Variants in TUBGCP2 observed in about 807,000 individuals in gnomAD.
TUBGCP2 encodes the protein gamma-tubulin complex component 2.
In TUBGCP2, 55 loss-of-function variants were observed where a neutral mutation model predicts 92.2. That is an observed-to-expected ratio of 0.60 (90% confidence interval 0.48 to 0.75). TUBGCP2 has a LOEUF of 0.75. Ranked by LOEUF, TUBGCP2 falls within the 30% of genes least tolerant of loss-of-function variation. TUBGCP2 has a pLI of 0.00. For synonymous variants in TUBGCP2, 533 were observed against 505.2 expected, an observed-to-expected ratio of 1.06 and a Z score of -0.74; for missense variants, 1,093 against 1,188.9, an observed-to-expected ratio of 0.92 and a Z score of 1.19.
Position 133,285,439 on chromosome 10 carries a change from G to C in TUBGCP2, c.1895+17C>G. The C allele has an allele frequency of 6.2e-7, 1 of 1,613,128 alleles. No homozygotes were observed. Among genetic ancestry groups the C allele is most frequent in the Non-Finnish European group, 8.5e-7 (1 of 1,179,892 alleles). On this transcript the variant is annotated intron_variant, in intron 12 of 17. Coordinates refer to ENST00000252936, the MANE Select transcript of TUBGCP2 (RefSeq NM_006659.4). The surrounding 1 kb of genome is among the most constrained non-coding windows in gnomAD (Gnocchi z 6.8). The stretch of plus-strand genomic sequence containing the variant: ...CTGAGTGAAGATCTGGCAGGTGCCC[G>C]AGCAGCCGACCCGCACCTGTTGATG...
chr10:133,293,467 T>C, intron 6 of TUBGCP2, 95 bp downstream of exon 6: 1 of 1,421,262 alleles, frequency 7.0e-7, no homozygotes, highest in Non-Finnish European at 9.6e-7. Flanking sequence ...GCGCTCTCTT[T>C]AGAAGCGATG....
At chr10:133,289,460 T>C (rs1206092385) in intron 9 of TUBGCP2, among the ~76,000 whole-genome samples, 3 of 152,086 alleles carry the variant, frequency 2.0e-5, no homozygotes, top group Admixed American at 1.3e-4. Context: ...TGGTCAGAGA[T>C]AGGAAACACT....
chr10:133,295,016 C>T (rs1230092107), intron 5 of TUBGCP2, among the ~76,000 whole-genome samples: 2 of 152,182 alleles, frequency 1.3e-5, no homozygotes, highest in East Asian at 1.9e-4. Flanking sequence ...ACTTACTTTC[C>T]ACCATGTTGG....
chr10:133,281,400 A>ACAC lies in TUBGCP2; in HGVS notation c.2443_2445dup (p.Val815dup), dbSNP rs766427635. The ACAC allele has an allele frequency of 5.7e-5, 92 of 1,613,502 alleles. No individual in the cohort carries two copies. Among genetic ancestry groups the ACAC allele is most frequent in the Admixed American group, 1.0e-4 (6 of 60,002 alleles). ...TTGTTGATGGTGGCCTCGAAGCCGG[A>ACAC]CACCAGCTGCACAGTGTCTGCGTGC... On this transcript the variant is annotated inframe_insertion, in exon 17 of 18. Coordinates refer to ENST00000252936, the MANE Select transcript of TUBGCP2 (RefSeq NM_006659.4).
chr10:133,290,914 T>C (rs982700701), intron 8 of TUBGCP2: 1 of 153,694 alleles, frequency 6.5e-6, no homozygotes, highest in Non-Finnish European at 1.4e-5. Flanking sequence ...TAATGTATTT[T>C]TTGAAAATAT....
chr10:133,302,561 G>A, intron 2 of TUBGCP2: 1 of 530,920 alleles, frequency 1.9e-6, no homozygotes, highest in Non-Finnish European at 3.4e-6. Context: ...TGGACTGAGG[G>A]GTGGGTTCAC....
chr10:133,291,258 CTCCGTGTCCCCCATGTCCCT>C (rs1318699345), intron 8 of TUBGCP2, among the ~76,000 whole-genome samples: 1 of 73,932 alleles, frequency 1.4e-5, no homozygotes, highest in Non-Finnish European at 2.2e-5. Context: ...CCCCATGTCC[CTCCGTGTCCCCCATGTCCCT>C]CCGTGTCCCT....
chr10:133,298,208 AT>A, intron 4 of TUBGCP2, 97 bp from the exon 5 acceptor site: 1 of 1,329,734 alleles, frequency 7.5e-7, no homozygotes, highest in Non-Finnish European at 1.0e-6. Context: ...TACGGCAAAG[AT>A]GATTACTCAA....
chr10:133,289,968 C>G lies in TUBGCP2; in HGVS notation c.1216G>C (p.Glu406Gln). The G allele has an allele frequency of 6.2e-7, 1 of 1,613,024 alleles. No individual in the cohort carries two copies. The highest frequency in any genetic ancestry group is 8.5e-7 in the Non-Finnish European group (1 of 1,179,080). Residue 406 changes from glutamate to glutamine, a missense_variant and splice_region_variant, in exon 9 of 18, where the codon GAG (glutamate) becomes CAG (glutamine). Physicochemically the swap from Glu to Gln is conservative, Grantham distance 29. Coordinates refer to ENST00000252936, the MANE Select transcript of TUBGCP2 (RefSeq NM_006659.4). Reference protein sequence around the residue: ...YRGIIHDPYSEFMVEEHELRK... With the variant: ...YRGIIHDPYSQFMVEEHELRK... ...AGCTCGTGCTCCTCGACCATAAACT[C>G]ACTAAAACCACAGGGAGCGCTTCGG... is the stretch of plus-strand genomic sequence containing the variant.
chr10:133,310,376 A>G, upstream of TUBGCP2: 1 of 1,542,194 alleles, frequency 6.5e-7, no homozygotes, highest in African/African-American at 1.4e-5. Context: ...GGTCAGACTT[A>G]TTAAGCACTT....
At chr10:133,280,780 G>C (rs1223028429) in intron 17 of TUBGCP2, among the ~76,000 whole-genome samples, 2 of 152,002 alleles carry the variant, frequency 1.3e-5, no homozygotes, top group African/African-American at 2.4e-5. Flanking sequence ...GAGCTGGGGT[G>C]GCGCTGGGCT....
At chr10:133,283,356 A>C (rs1435275813) in intron 14 of TUBGCP2, 135 bp from the exon 15 acceptor site, 2 of 1,284,620 alleles carry the variant, frequency 1.6e-6, no homozygotes, top group African/African-American at 3.1e-5. Context: ...TTGGGCTTTT[A>C]GGGGAAAACT....
At position 133,292,756 on chromosome 10, in the gene TUBGCP2, C is replaced by T. The variant is rs1847389427; in HGVS notation, c.1025-68G>A. On this transcript the variant is annotated intron_variant, in intron 7 of 17. Coordinates refer to ENST00000252936, the MANE Select transcript of TUBGCP2 (RefSeq NM_006659.4). ...CGCCCAGCCTCTGCCAACAACACTG[C>T]TGGGGCCCCTCATGCTTCTCCAACC... 2.0e-6 allele frequency: 3 copies of T among 1,526,810 alleles called. No homozygotes were observed. In the East Asian group the frequency reaches 7.2e-5, roughly 37 times the overall value. 94.6% of individuals were successfully genotyped at this position (1,526,810 alleles called of 1,614,324 possible).
Position 133,292,642 on chromosome 10 carries a change from G to T in TUBGCP2, c.1071C>A (p.Ser357Arg). ...KGECLGGSTL[S>R]LLHDRSFSYT... ...AGCTGAAGCTCCTGTCGTGGAGCAG[G>T]CTCAGCGTGGACCCCCCAAGACATT... is the stretch of plus-strand genomic sequence containing the variant. Residue 357 changes from serine to arginine, a missense_variant, in exon 8 of 18, where the codon AGC (serine) becomes AGA (arginine). Coordinates refer to ENST00000252936, the MANE Select transcript of TUBGCP2 (RefSeq NM_006659.4). The T allele has an allele frequency of 6.2e-7, 1 of 1,614,098 alleles. No homozygotes were observed. Among genetic ancestry groups the T allele is most frequent in the Non-Finnish European group, 8.5e-7 (1 of 1,180,004 alleles).
intron 1 of TUBGCP2, among the ~76,000 whole-genome samples, chr10:133,303,906 G>A (rs1018265952): frequency 2.6e-5 from 4 of 152,222 alleles, no homozygotes; most frequent in South Asian, 2.1e-4. Flanking sequence ...GTGGGCAGCA[G>A]AACACTGCGT....
At chr10:133,291,268 C>CTCCGTGTCCCT (rs1354706870) in intron 8 of TUBGCP2, among the ~76,000 whole-genome samples, 1 of 48,522 alleles carries the variant, frequency 2.1e-5, no homozygotes, top group Non-Finnish European at 3.3e-5. Context: ...CTCCGTGTCC[C>CTCCGTGTCCCT]CCATGTCCCT....
At position 133,285,401 on chromosome 10, in the gene TUBGCP2, G is replaced by T; in HGVS notation, c.1895+55C>A. 1 of 1,610,418 alleles carries T rather than the reference G, an allele frequency of 6.2e-7. No homozygotes were observed. Among genetic ancestry groups the T allele is most frequent in the Non-Finnish European group, 8.5e-7 (1 of 1,178,982 alleles). On this transcript the variant is annotated intron_variant, in intron 12 of 17. Transcript: ENST00000252936. This position sits in a 1 kb window ranked among gnomAD's most constrained non-coding sequence, Gnocchi z 6.8. ...GTGGCCACCGCGTGGCACAGTTCTC[G>T]CTTCTGCCAAACCTGAGTGAAGATC... is the stretch of plus-strand genomic sequence containing the variant.
chr10:133,302,894 C>T lies in TUBGCP2; in HGVS notation c.48G>A (p.Leu16=), dbSNP rs1290633719. Residue 16 remains leucine (L), a synonymous_variant, in exon 2 of 18, where the codon CTG becomes CTA. Transcript: ENST00000252936. ...IHHDVNELLS[L]LRVHGGDGAE... ...CCCCATCTCCTCCGTGGACACGCAG[C>T]AGGCTAAGCAGTTCATTGACGTCAT... is the stretch of plus-strand genomic sequence containing the variant. The T allele has an allele frequency of 1.2e-6, 2 of 1,614,060 alleles. No homozygotes were observed. The highest frequency in any genetic ancestry group is 1.7e-6 in the Non-Finnish European group (2 of 1,180,002).
chr10:133,292,782 T>C (rs1008499153), intron 7 of TUBGCP2, 94 bp from the exon 8 acceptor site: 30 of 1,428,688 alleles, frequency 2.1e-5, no homozygotes, highest in Middle Eastern at 5.0e-4. Flanking sequence ...TTCTCCAACC[T>C]TCTTCCTGGG....
Sources: gnomAD v4.1 joint callset for allele counts (sites outside exome capture counted in the v4.1 genomes callset) on GRCh38, gnomAD v4.1.1 for gene constraint, Gnocchi (gnomAD v3.1) non-coding constraint, MANE v1.5 for transcripts, NCBI Gene and HGNC (gene_info 2026-07-23, HGNC 2026-07-21) for gene names.